The following HMCN2 variants were observed in gnomAD, a reference collection of about 807,000 sequenced individuals.
HMCN2 encodes hemicentin-2.
HMCN2 carries 325 observed loss-of-function variants against 377.5 expected under a neutral mutation model. The ratio of observed to expected loss-of-function variants is 0.86; its 90% CI spans 0.79 to 0.94. The LOEUF is 0.94. HMCN2 is among the 40% of genes least tolerant of loss of function. The probability of loss-of-function intolerance (pLI) is 0.00; values close to 1 mark genes in which losing one functional copy is unlikely to be tolerated. For missense variants in HMCN2, 4,543 were observed against 4,725.3 expected (o/e 0.96, Z 1.13); for synonymous variants, 2,007 against 2,046.8 (o/e 0.98, Z 0.53).
chr9:130,344,173 G>A (rs1409897519), intron 25 of HMCN2, among the ~76,000 whole-genome samples: 4 of 152,314 alleles, frequency 2.6e-5, no homozygotes, highest in South Asian at 2.1e-4. Flanking sequence ...CCTGCAGCTC[G>A]GAAGGCCTGG....
intron 8 of HMCN2, among the ~76,000 whole-genome samples, chr9:130,301,649 G>A (rs953376312): frequency 5.3e-5 from 8 of 152,160 alleles, no homozygotes; most frequent in Non-Finnish European, 1.0e-4. Context: ...CTCCCCCCCC[G>A]GGACAGATGT....
intron 94 of HMCN2, 78 bp downstream of exon 94, chr9:130,429,763 T>C: frequency 7.7e-7 from 1 of 1,297,902 alleles, no homozygotes; most frequent in South Asian, 1.6e-5. Context: ...CAGCCTGCCC[T>C]GCCTAGTTAC....
chr9:130,359,904 G>A (rs372913501), intron 37 of HMCN2, among the ~76,000 whole-genome samples: 1 of 152,154 alleles, frequency 6.6e-6, no homozygotes, highest in Non-Finnish European at 1.5e-5. Context: ...GCCCCCTCTC[G>A]TGGGGATGCC....
chr9:130,396,751 C>T (rs1374491249), intron 73 of HMCN2, among the ~76,000 whole-genome samples: 1 of 152,206 alleles, frequency 6.6e-6, no homozygotes, highest in East Asian at 1.9e-4. Flanking sequence ...ATGCCATTGG[C>T]CCAGCCTGAG....
In HMCN2 at chr9:130,409,808, C is replaced by T. The variant is rs35759110; in HGVS notation, c.12880-763C>T. 8.6e-3 allele frequency among the ~76,000 whole-genome samples: 1,312 copies of T among 152,314 alleles called. 14 individuals carry two copies. Among genetic ancestry groups the T allele is most frequent in the South Asian group, 0.045 (215 of 4,826 alleles). ...GGGATTCAGTCCCATGTTGGTCTGA[C>T]CTCCAAACCTACACTCTTAACTTTG... On this transcript the variant is annotated intron_variant, in intron 84 of 97. Transcript: ENST00000683500.
intron 36 of HMCN2, 88 bp from the exon 37 acceptor site, chr9:130,359,231 G>A (rs963350070): frequency 1.5e-5 from 9 of 603,496 alleles, no homozygotes; most frequent in Non-Finnish European, 2.1e-5. Context: ...TCTATGGGGA[G>A]CAGGGAGCAG....
rs1241213995 is a variant in HMCN2 at position 130,308,933 on chromosome 9, G to A, written c.2201-979G>A. On this transcript the variant is annotated intron_variant, in intron 14 of 97. Coordinates refer to ENST00000683500, the MANE Select transcript of HMCN2 (RefSeq NM_001291815.2). The surrounding 1 kb of genome is among the most constrained non-coding windows in gnomAD (Gnocchi z 4.1). ...AAAAGATGGAGTGGTGTTCGCCAGG[G>A]ACTGGGGAGAGGAGAACACCAGGAG... is the stretch of plus-strand genomic sequence containing the variant. Among the ~76,000 whole-genome samples the A allele has an allele frequency of 1.3e-5, 2 of 152,210 alleles. No homozygotes were observed. The highest frequency in any genetic ancestry group is 2.9e-5 in the Non-Finnish European group (2 of 68,044).
rs147822651 is a variant in HMCN2, at chr9:130,294,984, T to C, written c.742T>C (p.Leu248=). The part of the protein sequence containing the change: ...DPSLKEVTIS[L]SGPGPEIEVQ... ...CAGCCTGAAGGAGGTCACCATCTCA[T>C]TGAGTGGGCCAGGGCCTGAGATTGA... The change falls in exon 5 of 98, where the codon TTG becomes CTG. Residue 248 remains leucine (L), a synonymous_variant. Coordinates refer to ENST00000683500, the MANE Select transcript of HMCN2 (RefSeq NM_001291815.2). 935 of 470,700 alleles carry C rather than the reference T, an allele frequency of 2.0e-3. 5 individuals are homozygous for C. Among genetic ancestry groups the C allele is most frequent in the East Asian group, 0.011 (164 of 14,348 alleles). 29.2% of individuals were successfully genotyped at this position (470,700 alleles called of 1,614,324 possible).
At chr9:130,348,392 G>A (rs1026192362) in intron 26 of HMCN2, 153 bp from the exon 27 acceptor site, 2 of 969,794 alleles carry the variant, frequency 2.1e-6, no homozygotes, top group African/African-American at 3.5e-5. Context: ...GCCATCTGCA[G>A]GTCCACAGGA....
rs878963119 is a variant in HMCN2 at position 130,424,879 on chromosome 9, G to T, written c.13485G>T (p.Arg4495Ser). ...ATGGCCACTCTCTGACTGGGGGCAGGTTCCGGCAGGAGTCACACGTGGAGT... is the reference window on the plus strand; with the variant it reads ...ATGGCCACTCTCTGACTGGGGGCAGTTTCCGGCAGGAGTCACACGTGGAGT... ...ALNGHSLTGGRFRQESHVEFA... is the reference protein window; with the variant it reads ...ALNGHSLTGGSFRQESHVEFA... The change falls in exon 88 of 98, where the codon AGG (arginine) becomes AGT (serine). Residue 4495 changes from arginine to serine, a missense_variant. This residue lies in a region of HMCN2 where 1,155 missense variants were observed against 1,157.7 expected (regional missense o/e 1.00). Coordinates refer to ENST00000683500, the MANE Select transcript of HMCN2 (RefSeq NM_001291815.2). 2.5e-5 allele frequency: 36 copies of T among 1,461,560 alleles called. No homozygotes were observed. Among genetic ancestry groups the T allele is most frequent in the Non-Finnish European group, 3.2e-5 (35 of 1,101,570 alleles). 90.5% of individuals were successfully genotyped at this position (1,461,560 alleles called of 1,614,324 possible). A position where few individuals can be genotyped will look rare whatever the true frequency, so the allele number is the denominator to read the frequency against.
intron 15 of HMCN2, among the ~76,000 whole-genome samples, chr9:130,312,299 G>A (rs1417771640): frequency 6.6e-6 from 1 of 151,944 alleles, no homozygotes; most frequent in Non-Finnish European, 1.5e-5. Context: ...GTGAGCAAGA[G>A]AGAAGGAAGG....
rs1837052170 is a variant in HMCN2, at chr9:130,308,890, G to T, written c.2201-1022G>T. 6.6e-6 allele frequency among the ~76,000 whole-genome samples: 1 copy of T among 152,234 alleles called. No individual in the cohort carries two copies. Among genetic ancestry groups the T allele is most frequent in the African/African-American group, 2.4e-5 (1 of 41,460 alleles). On this transcript the variant is annotated intron_variant, in intron 14 of 97. Coordinates refer to ENST00000683500, the MANE Select transcript of HMCN2 (RefSeq NM_001291815.2). The surrounding 1 kb of genome is among the most constrained non-coding windows in gnomAD (Gnocchi z 4.1). ...CCACTTATGTGAGTTACCTAGAGAT[G>T]TCAAATTCATAGAGACGAAAAGATG... is the stretch of plus-strand genomic sequence containing the variant.
rs1205245295 is a variant in HMCN2, at chr9:130,382,832, G to A, written c.8699G>A (p.Arg2900Gln). ...GGGCTGCCTTTCTCCCCGAGCCCAC[G>A]GCTGCAGGTCCTGGAGGACGGGCAA... ...QNGLPFSPSP[R>Q]LQVLEDGQVL... Residue 2900 changes from arginine (R) to glutamine (Q), a missense_variant, in exon 56 of 98, where the codon CGG (arginine) becomes CAG (glutamine). This residue lies in a region of HMCN2 where 736 missense variants were observed against 773.2 expected (regional missense o/e 0.95). Transcript: ENST00000683500. The A allele has an allele frequency of 1.2e-5, 12 of 985,790 alleles. No homozygotes were observed. Among genetic ancestry groups the A allele is most frequent in the Non-Finnish European group, 1.3e-5 (11 of 829,942 alleles). 61.1% of individuals were successfully genotyped at this position (985,790 alleles called of 1,614,324 possible).
Position 130,430,546 on chromosome 9 carries a change from C to A in HMCN2, c.14589C>A (p.Ser4863Arg). ...TCCGTCCGGGTCCCATGGCCCTGAG[C>A]AGTGTGGGCCGGGCCTGGTGCCCTC... Reference protein sequence around the residue: ...VSLRPGPMALSSVGRAWCPPG... With the variant: ...VSLRPGPMALRSVGRAWCPPG... The change falls in exon 95 of 98, where the codon AGC becomes AGA. Residue 4863 changes from serine to arginine, a missense_variant. Ser to Arg is a moderately radical substitution (Grantham distance 110). Coordinates refer to ENST00000683500, the MANE Select transcript of HMCN2 (RefSeq NM_001291815.2). 1 of 1,550,556 alleles carries A rather than the reference C, an allele frequency of 6.4e-7. No individual in the cohort carries two copies. Among genetic ancestry groups the A allele is most frequent in the East Asian group, 2.4e-5 (1 of 40,926 alleles).
intron 54 of HMCN2, among the ~76,000 whole-genome samples, chr9:130,380,210 A>T (rs10793965): frequency 0.75 from 113,440 of 152,164 alleles, 43,992 homozygotes; most frequent in East Asian, 0.86. Context: ...CCACCTTAAG[A>T]GGTATTTGTT....
At chr9:130,389,205 G>C (rs894203677) in intron 62 of HMCN2, among the ~76,000 whole-genome samples, 9 of 152,130 alleles carry the variant, frequency 5.9e-5, no homozygotes, top group African/African-American at 2.2e-4. Context: ...CCTCGAACCT[G>C]CCCCTCTCTC....
chr9:130,368,273 C>T lies in HMCN2; in HGVS notation c.6626-3C>T. ...CCAGGAGTTTCTTTTTTCCTGCACC[C>T]AGGTCAACCCCTCCCCGGGGAGGGG... On this transcript the variant is annotated splice_polypyrimidine_tract_variant and splice_region_variant and intron_variant, in intron 43 of 97. Transcript: ENST00000683500. 1 of 985,618 alleles carries T rather than the reference C, an allele frequency of 1.0e-6. No homozygotes were observed. The highest frequency in any genetic ancestry group is 1.2e-6 in the Non-Finnish European group (1 of 829,880). 61.1% of individuals were successfully genotyped at this position (985,618 alleles called of 1,614,324 possible).
At chr9:130,390,868 G>T (rs1842281847) in intron 62 of HMCN2, 109 bp from the exon 63 acceptor site, 7 of 693,532 alleles carry the variant, frequency 1.0e-5, no homozygotes, top group Non-Finnish European at 1.2e-5. Context: ...CAGAGACTGG[G>T]CTGGGGAAGG....
In HMCN2 at chr9:130,318,640, T is replaced by C. The variant is rs1475016176; in HGVS notation, c.2351-855T>C. Among the ~76,000 whole-genome samples the C allele has an allele frequency of 1.3e-5, 2 of 152,108 alleles. 1 individual carries two copies. Among genetic ancestry groups the C allele is most frequent in the East Asian group, 3.9e-4 (2 of 5,192 alleles). On this transcript the variant is annotated intron_variant, in intron 15 of 97. Transcript: ENST00000683500. ...GGATTTGGGGTGTGTGGAGCAAGAA[T>C]TAGGGGAATCTCTGCCCTTTGTGTA...
Sources: allele counts gnomAD v4.1 joint callset (sites outside exome capture counted in the v4.1 genomes callset), GRCh38; gene constraint gnomAD v4.1.1; regional missense constraint gnomAD v4.1.1; non-coding constraint Gnocchi (gnomAD v3.1); transcripts MANE v1.5; gene names NCBI Gene and HGNC (gene_info 2026-07-23, HGNC 2026-07-21).